Variants in SIPA1L3 observed in about 807,000 individuals in gnomAD.
SIPA1L3 encodes the protein signal induced proliferation associated 1 like 3, also known as signal-induced proliferation-associated 1-like protein 3.
SIPA1L3 carries 59 observed loss-of-function variants against 150.1 expected under a neutral mutation model. The observed-to-expected ratio is 0.39, with a 90% confidence interval of 0.32 to 0.49. The LOEUF is 0.49. Ranked by LOEUF, SIPA1L3 falls within the 20% of genes least tolerant of loss-of-function variation. The pLI, the probability that SIPA1L3 is intolerant of heterozygous loss-of-function variation, is 0.86. For synonymous variants in SIPA1L3, 1,070 were observed against 1,077.6 expected (o/e 0.99, Z 0.14); for missense variants, 2,211 against 2,489.5 (o/e 0.89, Z 2.38).
At chr19:37,979,119 G>A (rs974401605) in intron 1 of SIPA1L3, among the ~76,000 whole-genome samples, 6 of 152,016 alleles carry the variant, frequency 3.9e-5, no homozygotes, top group Non-Finnish European at 8.8e-5. Flanking sequence ...CAACATTAAG[G>A]GTGGCCACCT....
At chr19:37,988,312 A>G (rs550240793) in intron 1 of SIPA1L3, among the ~76,000 whole-genome samples, 10 of 152,348 alleles carry the variant, frequency 6.6e-5, no homozygotes, top group African/African-American at 2.2e-4. Context: ...GGAACCCAGG[A>G]GTTCGAGACC....
chr19:37,921,311 T>C (rs550659230), intron 1 of SIPA1L3, among the ~76,000 whole-genome samples: 156 of 152,262 alleles, frequency 1.0e-3, no homozygotes, highest in Non-Finnish European at 1.8e-3. Context: ...TGTGGTAAAA[T>C]TCTTATGCGG....
chr19:38,060,275 G>A (rs1969418603), intron 2 of SIPA1L3, among the ~76,000 whole-genome samples: 1 of 152,190 alleles, frequency 6.6e-6, no homozygotes, highest in African/African-American at 2.4e-5. Context: ...TCCGAGAGGT[G>A]CATTCTAGTT....
At chr19:38,201,778 T>G in intron 19 of SIPA1L3, 84 bp from the exon 20 acceptor site, 1 of 1,453,116 alleles carries the variant, frequency 6.9e-7, no homozygotes, top group Admixed American at 2.3e-5. Context: ...ATCATGGAGG[T>G]TTGCAGGGAG....
intron 6 of SIPA1L3, among the ~76,000 whole-genome samples, chr19:38,103,277 G>C (rs756301369): frequency 6.6e-6 from 1 of 152,152 alleles, no homozygotes; most frequent in Non-Finnish European, 1.5e-5. Flanking sequence ...TATCACATAG[G>C]ACGTATTTGT....
chr19:38,043,209 G>A (rs983049072), intron 2 of SIPA1L3, among the ~76,000 whole-genome samples: 4 of 152,134 alleles, frequency 2.6e-5, no homozygotes, highest in Non-Finnish European at 4.4e-5. Flanking sequence ...GCATGGTGGT[G>A]CATACCTGTA....
At chr19:38,195,982 A>G (rs1303050667) in intron 18 of SIPA1L3, among the ~76,000 whole-genome samples, 2 of 151,898 alleles carry the variant, frequency 1.3e-5, no homozygotes, top group East Asian at 3.9e-4. Flanking sequence ...GTCCCTCTGC[A>G]TCACACAGCA....
intron 2 of SIPA1L3, among the ~76,000 whole-genome samples, chr19:38,032,846 C>T (rs1275354300): frequency 1.2e-5 from 1 of 83,376 alleles, no homozygotes; most frequent in East Asian, 3.6e-4. Context: ...GAGCGAGACT[C>T]GGTCTCAAAA....
intron 2 of SIPA1L3, among the ~76,000 whole-genome samples, chr19:38,044,461 G>A (rs1969004322): frequency 6.6e-6 from 1 of 152,154 alleles, no homozygotes; most frequent in African/African-American, 2.4e-5. Context: ...CAGTGAGGAG[G>A]GAGGAGACCT....
intron 3 of SIPA1L3, among the ~76,000 whole-genome samples, chr19:38,087,189 T>G (rs373818056): frequency 6.6e-5 from 10 of 152,306 alleles, no homozygotes; most frequent in African/African-American, 2.4e-4. Flanking sequence ...AAATAAGTCA[T>G]TGGTCAGTGT....
At chr19:37,924,816 A>T (rs574164351) in intron 1 of SIPA1L3, among the ~76,000 whole-genome samples, 173 of 152,166 alleles carry the variant, frequency 1.1e-3, no homozygotes, top group African/African-American at 4.1e-3. Context: ...TCGGAGCCTG[A>T]AGTGGGCGGA....
intron 2 of SIPA1L3, among the ~76,000 whole-genome samples, chr19:38,039,105 ACTCCTGAG>A (rs1394919881): frequency 1.3e-5 from 2 of 151,658 alleles, no homozygotes; most frequent in Non-Finnish European, 2.9e-5. Context: ...GTGGTCTCGA[ACTCCTGAG>A]CTCAGACAAT....
At chr19:38,063,404 C>T (rs1332219967) in intron 2 of SIPA1L3, among the ~76,000 whole-genome samples, 3 of 152,100 alleles carry the variant, frequency 2.0e-5, no homozygotes, top group Admixed American at 6.6e-5. Context: ...TAAGCAGAGC[C>T]GGAGCCACCC....
At chr19:38,139,519 C>T (rs1971522610) in intron 10 of SIPA1L3, among the ~76,000 whole-genome samples, 1 of 152,082 alleles carries the variant, frequency 6.6e-6, no homozygotes, top group African/African-American at 2.4e-5. Context: ...CTCTGATAGA[C>T]GTTCATATTG....
intron 1 of SIPA1L3, among the ~76,000 whole-genome samples, chr19:37,963,418 C>T (rs1599845467): frequency 6.6e-6 from 1 of 152,210 alleles, no homozygotes; most frequent in East Asian, 1.9e-4. Flanking sequence ...GGCTGGTCTA[C>T]AGGCCTGCTG....
chr19:38,065,834 C>CTATTTATTTATTTATT (rs74176412), intron 2 of SIPA1L3, among the ~76,000 whole-genome samples: 1,614 of 141,028 alleles, frequency 0.011, 41 homozygotes, highest in African/African-American at 0.029. Context: ...CTCTACCTTG[C>CTATTTATTTATTTATT]TATTTATTTA....
At position 38,082,138 on chromosome 19, in the gene SIPA1L3, G is replaced by GCA. The variant is rs1173016977; in HGVS notation, c.577_578dup (p.Gly194ArgfsTer30). 1 of 1,605,688 alleles carries GCA rather than the reference G, an allele frequency of 6.2e-7. No homozygotes were observed. Among genetic ancestry groups the GCA allele is most frequent in the Non-Finnish European group, 8.5e-7 (1 of 1,179,250 alleles). On this transcript the variant is annotated frameshift_variant, in exon 3 of 22. Transcript: ENST00000222345. LOFTEE classifies it high-confidence loss of function. Reference sequence around the variant, plus strand: ...ACGCGGGGGAGCCGCGGGGGGCCCGGCACACGGGGGCGCTGCCCCTCTTCC... The same window carrying GCA: ...ACGCGGGGGAGCCGCGGGGGGCCCGGCACACACGGGGGCGCTGCCCCTCTTCC...
chr19:37,922,896 A>G (rs1375851492), intron 1 of SIPA1L3, among the ~76,000 whole-genome samples: 2 of 150,740 alleles, frequency 1.3e-5, no homozygotes, highest in African/African-American at 4.9e-5. Context: ...TGGGAGGCCA[A>G]GGCAGGAGGA....
intron 2 of SIPA1L3, among the ~76,000 whole-genome samples, chr19:38,074,229 A>G (rs997346491): frequency 1.3e-5 from 2 of 152,174 alleles, no homozygotes; most frequent in Non-Finnish European, 2.9e-5. Context: ...AGCTGCTAGG[A>G]GAAGGGATTT....
Sources: allele counts gnomAD v4.1 joint callset (sites outside exome capture counted in the v4.1 genomes callset), GRCh38; gene constraint gnomAD v4.1.1; transcripts MANE v1.5; gene names NCBI Gene and HGNC (gene_info 2026-07-23, HGNC 2026-07-21).